The following C12orf42 variants were observed in gnomAD, a reference collection of about 807,000 sequenced individuals.
The protein encoded by C12orf42 is uncharacterized protein C12orf42.
In C12orf42, 25 loss-of-function variants were observed where a neutral mutation model predicts 21.6. The ratio of observed to expected loss-of-function variants is 1.16; its 90% CI spans 0.84 to 1.62. C12orf42 has a LOEUF of 1.62. Among genes scored for constraint, C12orf42 ranks in the 40% most tolerant of loss-of-function variants. The pLI is 0.00. For synonymous variants in C12orf42, 174 were observed against 175.0 expected (o/e 0.99, Z 0.05); for missense variants, 483 against 459.3 (o/e 1.05, Z -0.47).
intron 3 of C12orf42, among the ~76,000 whole-genome samples, chr12:103,399,805 T>G (rs1477283480): frequency 6.6e-6 from 1 of 152,116 alleles, no homozygotes; most frequent in Non-Finnish European, 1.5e-5. Flanking sequence ...GGTATAATAC[T>G]GGAATACATA....
intron 10 of C12orf42, among the ~76,000 whole-genome samples, chr12:103,252,685 T>A (rs1024392500): frequency 6.6e-6 from 1 of 152,238 alleles, no homozygotes; most frequent in Non-Finnish European, 1.5e-5. Context: ...ATGTAGATTC[T>A]GGATATTAGC....
rs185345096 is a variant in C12orf42 at position 103,255,146 on chromosome 12, A to G, written c.*1366+8180T>C. 6.0e-3 allele frequency among the ~76,000 whole-genome samples: 917 copies of G among 151,972 alleles called. 9 individuals carry two copies. The highest frequency in any genetic ancestry group is 0.021 in the African/African-American group (876 of 41,436). ...CCAGCACTTTGGGAGGCTAAAGAGG[A>G]AAAATCACGAGGTCAAGAGATTGAG... On this transcript the variant is annotated intron_variant and NMD_transcript_variant, in intron 10 of 10. Coordinates refer to the C12orf42 transcript ENST00000547347.
chr12:103,086,388 G>C, the C12orf42 span, among the ~76,000 whole-genome samples: 2 of 151,382 alleles, frequency 1.3e-5, no homozygotes, highest in African/African-American at 4.9e-5. Flanking sequence ...AAAAAAGAGA[G>C]AACTATTTCT....
the C12orf42 span, among the ~76,000 whole-genome samples, chr12:103,162,535 G>A: frequency 4.0e-5 from 6 of 151,842 alleles, no homozygotes; most frequent in African/African-American, 1.2e-4. Context: ...GTGTGTGTGT[G>A]TGTGCAGGAG....
In C12orf42 at chr12:103,485,062, G is replaced by A. The variant is rs963886322; in HGVS notation, c.-21-6615C>T. The stretch of plus-strand genomic sequence containing the variant: ...TTTTTTGTATTTTTGGTAGAGACGG[G>A]GTTTCACCATGTTAGCCAGGATGGT... On this transcript the variant is annotated intron_variant, in intron 1 of 5. Coordinates refer to ENST00000548883, the MANE Select transcript of C12orf42 (RefSeq NM_198521.5). Among the ~76,000 whole-genome samples, 13 of 151,840 alleles carry A rather than the reference G, an allele frequency of 8.6e-5. 1 individual carries two copies. The highest frequency in any genetic ancestry group is 2.6e-4 in the Admixed American group (4 of 15,234).
the C12orf42 span, chr12:103,081,025 T>C: frequency 2.0e-5 from 3 of 152,184 alleles, no homozygotes; most frequent in African/African-American, 7.2e-5. Flanking sequence ...CTTATGTATT[T>C]GCATTCTGAT....
intron 2 of C12orf42, among the ~76,000 whole-genome samples, chr12:103,466,113 TA>T (rs1565874088): frequency 6.6e-6 from 1 of 152,184 alleles, no homozygotes; most frequent in East Asian, 1.9e-4. Flanking sequence ...GCTGGTCTCA[TA>T]AAATGACTTA....
chr12:103,162,372 C>G, the C12orf42 span, among the ~76,000 whole-genome samples: 2 of 152,144 alleles, frequency 1.3e-5, no homozygotes, highest in East Asian at 1.9e-4. Flanking sequence ...AAAGAGTGCT[C>G]AGGTCCAAAT....
At chr12:103,065,490 G>A in the C12orf42 span, among the ~76,000 whole-genome samples, 1 of 152,194 alleles carries the variant, frequency 6.6e-6, no homozygotes, top group Non-Finnish European at 1.5e-5. Context: ...CTGGCTTTGT[G>A]TCATAATCTT....
chr12:103,358,732 A>G (rs1343695815), intron 4 of C12orf42, among the ~76,000 whole-genome samples: 1 of 151,966 alleles, frequency 6.6e-6, no homozygotes, highest in Non-Finnish European at 1.5e-5. Context: ...TCCATCCTTC[A>G]CCCACTCATT....
At chr12:103,352,903 G>A (rs768854898) in intron 4 of C12orf42, among the ~76,000 whole-genome samples, 4 of 152,096 alleles carry the variant, frequency 2.6e-5, no homozygotes, top group Non-Finnish European at 5.9e-5. Context: ...TTGTTTCTGT[G>A]GTTGAATTAG....
the C12orf42 span, among the ~76,000 whole-genome samples, chr12:103,220,531 G>T: frequency 6.6e-6 from 1 of 151,938 alleles, no homozygotes. Flanking sequence ...TTTTTTAAAG[G>T]GTGGAAGCTT....
At chr12:103,310,870 T>C (rs919716100) in intron 4 of C12orf42, among the ~76,000 whole-genome samples, 3 of 152,342 alleles carry the variant, frequency 2.0e-5, no homozygotes, top group South Asian at 4.1e-4. Flanking sequence ...TTCAAAACAA[T>C]AGCGCTGGAT....
intron 4 of C12orf42, among the ~76,000 whole-genome samples, chr12:103,345,704 A>G (rs1193582180): frequency 6.6e-6 from 1 of 152,234 alleles, no homozygotes; most frequent in African/African-American, 2.4e-5. Context: ...AAATAAAAGC[A>G]ACCTAAATGT....
intron 2 of C12orf42, among the ~76,000 whole-genome samples, chr12:103,431,652 C>T (rs1950275934): frequency 6.6e-6 from 1 of 152,148 alleles, no homozygotes; most frequent in African/African-American, 2.4e-5. Flanking sequence ...TACCCTGGCC[C>T]ACAATAAGTG....
At chr12:103,393,460 A>G (rs145254438) in intron 3 of C12orf42, among the ~76,000 whole-genome samples, 2,527 of 152,292 alleles carry the variant, frequency 0.017, 28 homozygotes, top group Non-Finnish European at 0.024. Flanking sequence ...CAACTCCAAC[A>G]TTGGGGATTA....
chr12:103,146,563 A>G, the C12orf42 span, among the ~76,000 whole-genome samples: 1 of 123,648 alleles, frequency 8.1e-6, no homozygotes, highest in African/African-American at 3.4e-5. Flanking sequence ...AAGAAAGAAA[A>G]GAAAGAAAGA....
At chr12:103,446,372 G>A (rs535324522) in intron 2 of C12orf42, among the ~76,000 whole-genome samples, 2 of 151,928 alleles carry the variant, frequency 1.3e-5, no homozygotes, top group East Asian at 1.9e-4. Flanking sequence ...TCTAAATCTC[G>A]AAACAAATCC....
the C12orf42 span, among the ~76,000 whole-genome samples, chr12:103,510,194 A>G: frequency 1.2e-4 from 19 of 152,230 alleles, no homozygotes; most frequent in Non-Finnish European, 2.4e-4. Flanking sequence ...GAACAAATTA[A>G]TGGTGTTTAC....
Sources: allele counts gnomAD v4.1 joint callset (sites outside exome capture counted in the v4.1 genomes callset), GRCh38; gene constraint gnomAD v4.1.1; transcripts MANE v1.5; gene names NCBI Gene and HGNC (gene_info 2026-07-23, HGNC 2026-07-21).